Variants in ZNF141 observed in about 807,000 individuals in gnomAD.
ZNF141 encodes zinc finger protein 141, also known as zinc finger protein 141 (clone pHZ-44).
Under a neutral mutation model 11.3 loss-of-function variants are expected in ZNF141, and 7 were observed. That is an observed-to-expected ratio of 0.62 (90% CI 0.35 to 1.16). The LOEUF (loss-of-function observed/expected upper bound fraction) is 1.16. Among genes scored for constraint, ZNF141 ranks in the 50% most tolerant of loss-of-function variants. The pLI is 0.02. For missense variants in ZNF141, 535 were observed against 554.0 expected (o/e 0.97, Z 0.34); for synonymous variants, 183 against 190.7 (o/e 0.96, Z 0.33).
chr4:349,192 C>G (rs1721476879), intron 3 of ZNF141, among the ~76,000 whole-genome samples: 1 of 151,436 alleles, frequency 6.6e-6, no homozygotes, highest in South Asian at 2.1e-4. Flanking sequence ...CCAGCACTTT[C>G]AGAGCCCAAG....
rs369366882 is a variant in ZNF141 at position 373,434 on chromosome 4, C to T, written c.997C>T (p.His333Tyr). 1.9e-6 allele frequency: 3 copies of T among 1,614,048 alleles called. No homozygotes were observed. In the Admixed American group the frequency reaches 5.0e-5, roughly 27 times the overall value. ...STTLTKHKRI[H>Y]TGEKPYTCEE... The stretch of plus-strand genomic sequence containing the variant: ...AACCCTTACTAAACATAAGAGAATT[C>T]ATACTGGAGAGAAACCCTACACATG... Residue 333 changes from histidine (H) to tyrosine (Y), a missense_variant, in exon 4 of 4, where the codon CAT (histidine) becomes TAT (tyrosine). Physicochemically the swap from His to Tyr is moderately conservative, Grantham distance 83 (BLOSUM62 2). Transcript: ENST00000240499.
At chr4:358,717 A>G (rs1721969154) in intron 3 of ZNF141, among the ~76,000 whole-genome samples, 1 of 151,278 alleles carries the variant, frequency 6.6e-6, no homozygotes, top group African/African-American at 2.4e-5. Flanking sequence ...AGCTAAGATT[A>G]CAGGAATGTG....
intron 3 of ZNF141, among the ~76,000 whole-genome samples, chr4:359,298 GAAAA>G (rs59855402): frequency 7.3e-4 from 109 of 148,624 alleles, no homozygotes; most frequent in Non-Finnish European, 1.3e-3. Context: ...CTGGTGCTGA[GAAAA>G]AAAAAACCCA....
chr4:368,641 C>T (rs1433316820), intron 3 of ZNF141, among the ~76,000 whole-genome samples: 1 of 152,184 alleles, frequency 6.6e-6, no homozygotes, highest in Admixed American at 6.5e-5. Flanking sequence ...CTTTCAGTAA[C>T]AATGCTACAA....
intron 3 of ZNF141, among the ~76,000 whole-genome samples, chr4:368,283 C>G (rs939337441): frequency 2.0e-5 from 3 of 151,974 alleles, no homozygotes; most frequent in Admixed American, 1.3e-4. Context: ...GTCACCCAGT[C>G]AGAATGTAAG....
chr4:363,572 C>T (rs532287447), intron 3 of ZNF141, among the ~76,000 whole-genome samples: 123 of 152,158 alleles, frequency 8.1e-4, no homozygotes, highest in Non-Finnish European at 1.3e-3. Flanking sequence ...CTGGCTAACA[C>T]CGTGAAACCT....
In ZNF141 at chr4:374,334, A is replaced by G. The variant is rs1712254071; in HGVS notation, c.*472A>G. 2.7e-5 allele frequency: 9 copies of G among 327,436 alleles called. No homozygotes were observed. Among genetic ancestry groups the G allele is most frequent in the South Asian group, 2.5e-4 (9 of 35,566 alleles). 20.3% of individuals were successfully genotyped at this position (327,436 alleles called of 1,614,324 possible). A position where few individuals can be genotyped will look rare whatever the true frequency, so the allele number is the denominator to read the frequency against. ...AGCCTTTAAATGGTCCTCAACCCTTAATGAACGTAAGTGAATTCATGCTGG... is the reference window on the plus strand; with the variant it reads ...AGCCTTTAAATGGTCCTCAACCCTTGATGAACGTAAGTGAATTCATGCTGG... On this transcript the variant is annotated 3_prime_UTR_variant, in exon 4 of 4. Coordinates refer to ENST00000240499, the MANE Select transcript of ZNF141 (RefSeq NM_003441.4).
rs1553855534 is a variant in ZNF141 at position 381,148 on chromosome 4, TAATAC to T, written c.*7289_*7293del. ...GTACATTATGACTTTATTACTGTTA[TAATAC>T]AAATTTATTTCTTGAGTTAAATATT... On this transcript the variant is annotated 3_prime_UTR_variant, in exon 4 of 4. Coordinates refer to ENST00000240499, the MANE Select transcript of ZNF141 (RefSeq NM_003441.4). 2.6e-5 allele frequency among the ~76,000 whole-genome samples: 4 copies of T among 152,238 alleles called. No individual in the cohort carries two copies. The highest frequency in any genetic ancestry group is 7.2e-5 in the African/African-American group (3 of 41,462).
At chr4:361,603 C>G (rs1469171765) in intron 3 of ZNF141, among the ~76,000 whole-genome samples, 1 of 152,116 alleles carries the variant, frequency 6.6e-6, no homozygotes, top group Non-Finnish European at 1.5e-5. Context: ...GTTCAATTCC[C>G]ACCTGTGAGT....
At chr4:344,272 T>C in intron 2 of ZNF141, 63 bp from the exon 3 acceptor site, 3 of 1,375,372 alleles carry the variant, frequency 2.2e-6, no homozygotes. Context: ...AGCGTAGTAC[T>C]AGGTTGGTAA....
chr4:340,424 T>C (rs61580954), intron 1 of ZNF141, among the ~76,000 whole-genome samples: 21,978 of 152,258 alleles, frequency 0.14, 2,181 homozygotes, highest in African/African-American at 0.28. Context: ...AGTGTGCCAA[T>C]GATCTTCAGA....
intron 3 of ZNF141, among the ~76,000 whole-genome samples, chr4:368,371 A>T (rs1040158043): frequency 6.6e-6 from 1 of 152,046 alleles, no homozygotes; most frequent in African/African-American, 2.4e-5. Flanking sequence ...CCACCCAAGT[A>T]GCTGGGATTA....
intron 3 of ZNF141, among the ~76,000 whole-genome samples, chr4:345,338 G>A (rs1553849364): frequency 6.6e-6 from 1 of 152,056 alleles, no homozygotes; most frequent in Non-Finnish European, 1.5e-5. Context: ...TACTGTTTTA[G>A]TATAAACTCG....
chr4:350,041 T>C, intron 3 of ZNF141: 1 of 470,040 alleles, frequency 2.1e-6, no homozygotes. Context: ...TATACAGGCC[T>C]GCCTCCAGGG....
chr4:379,892 C>T lies in ZNF141; in HGVS notation c.*6030C>T, dbSNP rs1272183464. Reference sequence around the variant, plus strand: ...GCTGCTTAACAAATACTTCACCACACATAATTACTTTTGGGATAAGAGCTC... The same window carrying T: ...GCTGCTTAACAAATACTTCACCACATATAATTACTTTTGGGATAAGAGCTC... On this transcript the variant is annotated 3_prime_UTR_variant, in exon 4 of 4. Transcript: ENST00000240499. Among the ~76,000 whole-genome samples, 2 of 152,216 alleles carry T rather than the reference C, an allele frequency of 1.3e-5. No individual in the cohort carries two copies. Among genetic ancestry groups the T allele is most frequent in the African/African-American group, 4.8e-5 (2 of 41,452 alleles).
In ZNF141 at chr4:375,552, T is replaced by G. The variant is rs540504005; in HGVS notation, c.*1690T>G. ...TAGAAAGAACTAAGGAACTAACACTTTAGACACTGCAGTAAATCAGAGTAT... is the reference window on the plus strand; with the variant it reads ...TAGAAAGAACTAAGGAACTAACACTGTAGACACTGCAGTAAATCAGAGTAT... On this transcript the variant is annotated 3_prime_UTR_variant, in exon 4 of 4. Transcript: ENST00000240499. 1.8e-4 allele frequency among the ~76,000 whole-genome samples: 27 copies of G among 152,052 alleles called. No individual in the cohort carries two copies. The highest frequency in any genetic ancestry group is 6.2e-4 in the South Asian group (3 of 4,824).
chr4:343,515 G>A (rs1721159450), intron 1 of ZNF141, among the ~76,000 whole-genome samples: 1 of 151,928 alleles, frequency 6.6e-6, no homozygotes, highest in Non-Finnish European at 1.5e-5. Flanking sequence ...CACAAGGTCA[G>A]GAGATCAAGA....
At chr4:338,147 C>T in intron 1 of ZNF141, 161 bp downstream of exon 1, 1 of 873,032 alleles carries the variant, frequency 1.1e-6, no homozygotes, top group South Asian at 1.6e-5. Flanking sequence ...TGTCGGTCCC[C>T]GCACAGCGGC....
rs764966220 is a variant in ZNF141, at chr4:360,273, T to C, written c.227-12391T>C. ...CTATGCCATATGTTCCGATATGTTC[T>C]ATGTCAAATTTATCTGATTACAGAT... On this transcript the variant is annotated intron_variant, in intron 3 of 3. Coordinates refer to ENST00000240499, the MANE Select transcript of ZNF141 (RefSeq NM_003441.4). 1.1e-3 allele frequency among the ~76,000 whole-genome samples: 170 copies of C among 152,380 alleles called. 1 individual carries two copies. The highest frequency in any genetic ancestry group is 1.2e-3 in the East Asian group (6 of 5,196).
Sources: allele counts gnomAD v4.1 joint callset (sites outside exome capture counted in the v4.1 genomes callset), GRCh38; gene constraint gnomAD v4.1.1; transcripts MANE v1.5; gene names NCBI Gene and HGNC (gene_info 2026-07-23, HGNC 2026-07-21).